Variants in RAB3IP observed in about 807,000 individuals in gnomAD.
The protein encoded by RAB3IP is RAB3A interacting protein, also known as rab-3A-interacting protein.
Under a neutral mutation model 59.1 loss-of-function variants are expected in RAB3IP, and 36 were observed. That is an observed-to-expected ratio of 0.61 (90% CI 0.47 to 0.80). The LOEUF (loss-of-function observed/expected upper bound fraction) is 0.80, where lower values mean the gene tolerates loss of function less well. Among genes scored for constraint, RAB3IP ranks in the 30% least tolerant of loss-of-function variants. RAB3IP has a pLI of 0.00. For missense variants in RAB3IP, 511 were observed against 536.0 expected (o/e 0.95, Z 0.46); for synonymous variants, 207 against 191.2 (o/e 1.08, Z -0.68).
rs564440464 is a variant in RAB3IP at position 69,742,617 on chromosome 12, C to T, written c.-26+3586C>T. 9.9e-5 allele frequency among the ~76,000 whole-genome samples: 15 copies of T among 152,218 alleles called. No homozygotes were observed. The East Asian group carries it at 2.9e-3, about 29-fold the overall frequency. ...GCTTTAACATCGGGCCAGGTAAGTA[C>T]TGTGCTGTGTTTGGTGATGGATGAT... On this transcript the variant is annotated intron_variant, in intron 1 of 10. Coordinates refer to ENST00000247833, the MANE Select transcript of RAB3IP (RefSeq NM_022456.5).
Position 69,816,597 on chromosome 12 carries a change from A to G in RAB3IP, c.*1151A>G, listed in dbSNP as rs1314921108. On this transcript the variant is annotated 3_prime_UTR_variant, in exon 11 of 11. Coordinates refer to ENST00000247833, the MANE Select transcript of RAB3IP (RefSeq NM_022456.5). The stretch of plus-strand genomic sequence containing the variant: ...TGAGGTGGTTTTCAGTTTATTTTTC[A>G]TATTATAATGCTGTGACGAGTATCC... 1 of 152,160 alleles carries G rather than the reference A, an allele frequency of 6.6e-6. No individual in the cohort carries two copies. The highest frequency in any genetic ancestry group is 6.5e-5 in the Admixed American group (1 of 15,278). The allele number at this position is 152,160 out of a possible 1,614,324, so 9.4% of individuals were successfully genotyped here.
chr12:69,784,320 TAAAA>T (rs959607045), intron 3 of RAB3IP, among the ~76,000 whole-genome samples: 1 of 151,780 alleles, frequency 6.6e-6, no homozygotes, highest in Non-Finnish European at 1.5e-5. Context: ...AAAGTAAACA[TAAAA>T]AAAGTGTATT....
chr12:69,796,408 G>A (rs1877444376), intron 6 of RAB3IP: 2 of 351,538 alleles, frequency 5.7e-6, no homozygotes, highest in Admixed American at 4.7e-5. Flanking sequence ...TTTAATCATT[G>A]TATACTGTGA....
intron 3 of RAB3IP, among the ~76,000 whole-genome samples, chr12:69,773,068 C>G (rs1873412592): frequency 6.6e-6 from 1 of 152,000 alleles, no homozygotes; most frequent in Non-Finnish European, 1.5e-5. Context: ...GTACAGTATT[C>G]TTGGTGTTTT....
chr12:69,763,072 C>T (rs965977231), intron 3 of RAB3IP, among the ~76,000 whole-genome samples: 27 of 152,116 alleles, frequency 1.8e-4, no homozygotes, highest in African/African-American at 6.5e-4. Flanking sequence ...ACTGAGGGTG[C>T]TGGGAATTTA....
In RAB3IP at chr12:69,819,082, T is replaced by C. The variant is rs1388794783; in HGVS notation, c.*3636T>C. 1 of 152,026 alleles carries C rather than the reference T, an allele frequency of 6.6e-6. No homozygotes were observed. Among genetic ancestry groups the C allele is most frequent in the African/African-American group, 2.4e-5 (1 of 41,372 alleles). 9.4% of individuals were successfully genotyped at this position (152,026 alleles called of 1,614,324 possible). A position where few individuals can be genotyped will look rare whatever the true frequency, so the allele number is the denominator to read the frequency against. ...GGGCAACGTAGACCTTGCCCCCCTT[T>C]AAAAAAATTCAAAAACAAAATAAAT... On this transcript the variant is annotated 3_prime_UTR_variant, in exon 11 of 11. Transcript: ENST00000247833.
Position 69,822,498 on chromosome 12 carries a change from A to G in RAB3IP, c.*7052A>G, listed in dbSNP as rs1454389768. The G allele has an allele frequency of 2.0e-5, 3 of 151,088 alleles. No individual in the cohort carries two copies. Among genetic ancestry groups the G allele is most frequent in the Non-Finnish European group, 4.4e-5 (3 of 67,840 alleles). 9.4% of individuals were successfully genotyped at this position (151,088 alleles called of 1,614,324 possible). On this transcript the variant is annotated 3_prime_UTR_variant, in exon 11 of 11. Transcript: ENST00000247833. ...CAGAATCTACCACTATAGGTAGTGA[A>G]TACAACAGGATAGCAGAGGCTGGGA...
intron 3 of RAB3IP, among the ~76,000 whole-genome samples, chr12:69,757,147 T>G (rs780284843): frequency 8.5e-5 from 13 of 152,244 alleles, no homozygotes; most frequent in Non-Finnish European, 1.8e-4. Flanking sequence ...TTTCTGCTAT[T>G]TATTTCCAAA....
At position 69,823,133 on chromosome 12, in the gene RAB3IP, T is replaced by G. The variant is rs1881941981; in HGVS notation, c.*7687T>G. Reference sequence around the variant, plus strand: ...CATTATATGTATGGAAATATCATTGTGTACCCCATGAATATGGGCAATTAT... The same window carrying G: ...CATTATATGTATGGAAATATCATTGGGTACCCCATGAATATGGGCAATTAT... On this transcript the variant is annotated 3_prime_UTR_variant, in exon 11 of 11. Transcript: ENST00000247833. 1 of 152,182 alleles carries G rather than the reference T, an allele frequency of 6.6e-6. No homozygotes were observed. The highest frequency in any genetic ancestry group is 1.5e-5 in the Non-Finnish European group (1 of 68,020). 9.4% of individuals were successfully genotyped at this position (152,182 alleles called of 1,614,324 possible).
At chr12:69,767,644 G>A (rs769254693) in intron 3 of RAB3IP, among the ~76,000 whole-genome samples, 1 of 152,220 alleles carries the variant, frequency 6.6e-6, no homozygotes, top group Non-Finnish European at 1.5e-5. Context: ...TGCTCCAGGT[G>A]CCTGGAGGTC....
At position 69,822,871 on chromosome 12, in the gene RAB3IP, C is replaced by T. The variant is rs1881908767; in HGVS notation, c.*7425C>T. ...GCCTATTTTCCTATCTCCTCTCGCACCATACTAGGCACACAATCTCTGTAC... is the reference window on the plus strand; with the variant it reads ...GCCTATTTTCCTATCTCCTCTCGCATCATACTAGGCACACAATCTCTGTAC... On this transcript the variant is annotated 3_prime_UTR_variant, in exon 11 of 11. Coordinates refer to ENST00000247833, the MANE Select transcript of RAB3IP (RefSeq NM_022456.5). 1 of 152,170 alleles carries T rather than the reference C, an allele frequency of 6.6e-6. No homozygotes were observed. Among genetic ancestry groups the T allele is most frequent in the Admixed American group, 6.5e-5 (1 of 15,272 alleles). The allele number at this position is 152,170 out of a possible 1,614,324, so 9.4% of individuals were successfully genotyped here. A position where few individuals can be genotyped will look rare whatever the true frequency, so the allele number is the denominator to read the frequency against.
rs775976209 is a variant in RAB3IP at position 69,784,799 on chromosome 12, C to T, written c.590C>T (p.Thr197Ile). The part of the protein sequence containing the change: ...DQLGQELEEL[T>I]ASLFEEAHKM... ...CTTGGACAGGAATTGGAAGAACTCA[C>T]AGCTAGTCTATTTGAGGTTGGTCTA... The change falls in exon 4 of 11, where the codon ACA becomes ATA. Residue 197 changes from threonine (T) to isoleucine (I), a missense_variant. By Grantham distance (89) the Thr-to-Ile change is moderately conservative (BLOSUM62 -1). Transcript: ENST00000247833. 5 of 1,604,752 alleles carry T rather than the reference C, an allele frequency of 3.1e-6. No homozygotes were observed. Among genetic ancestry groups the T allele is most frequent in the Non-Finnish European group, 3.4e-6 (4 of 1,173,742 alleles).
At chr12:69,750,908 T>A (rs1267734314) in intron 1 of RAB3IP, among the ~76,000 whole-genome samples, 3 of 152,146 alleles carry the variant, frequency 2.0e-5, no homozygotes, top group Admixed American at 6.5e-5. Flanking sequence ...CCTTTTACCT[T>A]ATGGTTTTAA....
Position 69,784,704 on chromosome 12 carries a change from T to G in RAB3IP, c.511-16T>G, listed in dbSNP as rs1431940747. 2 of 1,511,824 alleles carry G rather than the reference T, an allele frequency of 1.3e-6. No individual in the cohort carries two copies. The highest frequency in any genetic ancestry group is 9.1e-7 in the Non-Finnish European group (1 of 1,095,840). 93.7% of individuals were successfully genotyped at this position (1,511,824 alleles called of 1,614,324 possible). A position where few individuals can be genotyped will look rare whatever the true frequency, so the allele number is the denominator to read the frequency against. ...AAACTATGGAGATCCAAAATAAAAT[T>G]ATCAATTTCTCTTAGGAACTGAAGT... On this transcript the variant is annotated splice_polypyrimidine_tract_variant and intron_variant, in intron 3 of 10. Coordinates refer to ENST00000247833, the MANE Select transcript of RAB3IP (RefSeq NM_022456.5).
At position 69,822,977 on chromosome 12, in the gene RAB3IP, C is replaced by T. The variant is rs1262387383; in HGVS notation, c.*7531C>T. On this transcript the variant is annotated 3_prime_UTR_variant, in exon 11 of 11. Coordinates refer to ENST00000247833, the MANE Select transcript of RAB3IP (RefSeq NM_022456.5). Reference sequence around the variant, plus strand: ...TATATCCTGTACCACTGTAGGATGACTGTAGTTAACAATAATGTGTAGTTT... The same window carrying T: ...TATATCCTGTACCACTGTAGGATGATTGTAGTTAACAATAATGTGTAGTTT... 1 of 152,024 alleles carries T rather than the reference C, an allele frequency of 6.6e-6. No individual in the cohort carries two copies. The highest frequency in any genetic ancestry group is 1.5e-5 in the Non-Finnish European group (1 of 68,016). The allele number at this position is 152,024 out of a possible 1,614,324, so 9.4% of individuals were successfully genotyped here.
intron 3 of RAB3IP, among the ~76,000 whole-genome samples, chr12:69,763,474 G>T (rs1289970486): frequency 1.3e-5 from 2 of 152,120 alleles, no homozygotes. Context: ...GCTTTGACTG[G>T]ACCACTTCCA....
In RAB3IP at chr12:69,794,417, TG is replaced by T. The variant is rs1427413584; in HGVS notation, c.607-19del. On this transcript the variant is annotated intron_variant, in intron 4 of 10. Coordinates refer to ENST00000247833, the MANE Select transcript of RAB3IP (RefSeq NM_022456.5). ...CAAATGCTACTTTGTTTCTAAAATT[TG>T]AGATGTTAACTTTTTCAGGAAGCTC... The T allele has an allele frequency of 1.9e-6, 3 of 1,592,750 alleles. No homozygotes were observed. The highest frequency in any genetic ancestry group is 2.6e-6 in the Non-Finnish European group (3 of 1,168,968).
At chr12:69,801,535 T>C in intron 7 of RAB3IP, 74 bp from the exon 8 acceptor site, 1 of 779,044 alleles carries the variant, frequency 1.3e-6, no homozygotes, top group Admixed American at 3.0e-5. Flanking sequence ...ATTTATAAAA[T>C]TCGTTTACTG....
intron 4 of RAB3IP, among the ~76,000 whole-genome samples, chr12:69,786,977 C>T (rs909431444): frequency 2.1e-4 from 32 of 152,082 alleles, no homozygotes; most frequent in African/African-American, 5.8e-4. Flanking sequence ...ATTTATGAAT[C>T]GTGGAAAAAG....
Sources: allele counts gnomAD v4.1 joint callset (sites outside exome capture counted in the v4.1 genomes callset), GRCh38; gene constraint gnomAD v4.1.1; transcripts MANE v1.5; gene names NCBI Gene and HGNC (gene_info 2026-07-23, HGNC 2026-07-21).